Variants in HID1 observed in about 807,000 individuals in gnomAD.
HID1 encodes the protein protein HID1.
Under a neutral mutation model 89.7 loss-of-function variants are expected in HID1, and 42 were observed. The observed-to-expected ratio is 0.47, with a 90% CI of 0.37 to 0.61. HID1 has a LOEUF of 0.61. Ranked by LOEUF, HID1 falls within the 20% of genes least tolerant of loss-of-function variation. The pLI is 0.00. For synonymous variants in HID1, 442 were observed against 433.8 expected (o/e 1.02, Z -0.24); for missense variants, 854 against 1,039.3 (o/e 0.82, Z 2.45).
chr17:74,954,720 C>T, intron 13 of HID1: 1 of 336,448 alleles, frequency 3.0e-6, no homozygotes. Context: ...GACTCTCTTC[C>T]CACCTCCCCT....
intron 1 of HID1, chr17:74,967,807 A>G (rs1426408114): frequency 6.6e-6 from 1 of 152,138 alleles, no homozygotes; most frequent in African/African-American, 2.4e-5. Context: ...GGATCGTACC[A>G]TGGCACTTCA....
In HID1 at chr17:74,952,055, G is replaced by A. The variant is rs772025658; in HGVS notation, c.2153C>T (p.Thr718Met). Residue 718 changes from threonine to methionine, a missense_variant, in exon 18 of 19, where the codon ACG becomes ATG. Coordinates refer to ENST00000425042, the MANE Select transcript of HID1 (RefSeq NM_030630.3). ...VEKICIDKGL[T>M]DESEILRFLQ... is the part of the protein sequence containing the mutation. ...GAACCGCAGGATCTCAGACTCATCC[G>A]TCAGGCCCCTGCGGGGAGAGGGGTA... 3 of 1,556,990 alleles carry A rather than the reference G, an allele frequency of 1.9e-6. No homozygotes were observed. The highest frequency in any genetic ancestry group is 2.6e-6 in the Non-Finnish European group (3 of 1,150,094).
chr17:74,955,023 T>TAA, intron 13 of HID1: 1 of 157,166 alleles, frequency 6.4e-6, no homozygotes, highest in Admixed American at 6.0e-5. Context: ...GGGGGTTATT[T>TAA]TGCCCCATCT....
Position 74,952,271 on chromosome 17 carries a change from G to C in HID1, c.2142C>G (p.Asp714Glu). 1.2e-6 allele frequency: 2 copies of C among 1,612,694 alleles called. No homozygotes were observed. The highest frequency in any genetic ancestry group is 1.7e-6 in the Non-Finnish European group (2 of 1,179,176). ...GGCCCTGCCGGCGCCCGACTCACTT[G>C]TCAATGCAGATCTTCTCCACCTGCG... ...LVPQVEKICI[D>E]KGLTDESEIL... Residue 714 changes from aspartate (D) to glutamate (E), a missense_variant and splice_region_variant, in exon 17 of 19, where the codon GAC becomes GAG. By Grantham distance (45) the Asp-to-Glu change is conservative. Coordinates refer to ENST00000425042, the MANE Select transcript of HID1 (RefSeq NM_030630.3).
chr17:74,961,137 C>T (rs765056685), intron 6 of HID1, among the ~76,000 whole-genome samples: 3 of 152,198 alleles, frequency 2.0e-5, no homozygotes, highest in Non-Finnish European at 4.4e-5. Context: ...CAAATACACA[C>T]TGGATTTTGA....
In HID1 at chr17:74,950,792, T is replaced by C. The variant is rs2039284911; in HGVS notation, c.*778A>G. On this transcript the variant is annotated 3_prime_UTR_variant, in exon 19 of 19. Coordinates refer to ENST00000425042, the MANE Select transcript of HID1 (RefSeq NM_030630.3). ...AGAGGCCGATTGTACAGAGCAAAGA[T>C]TGTTCTGACACGGGGGGCTGGGTGG... is the stretch of plus-strand genomic sequence containing the variant. 6.6e-6 allele frequency: 1 copy of C among 152,326 alleles called. No individual in the cohort carries two copies. Among genetic ancestry groups the C allele is most frequent in the African/African-American group, 2.4e-5 (1 of 41,400 alleles). The allele number at this position is 152,326 out of a possible 1,614,324, so 9.4% of individuals were successfully genotyped here.
At chr17:74,957,920 A>G (rs1251829127) in intron 12 of HID1, 1 of 573,088 alleles carries the variant, frequency 1.7e-6, no homozygotes, top group Non-Finnish European at 3.1e-6. Context: ...ATATCTCATT[A>G]GTAATTTTCA....
chr17:74,954,718 T>G, intron 13 of HID1: 2 of 320,010 alleles, frequency 6.2e-6, no homozygotes, highest in Non-Finnish European at 5.9e-6. Flanking sequence ...CTGACTCTCT[T>G]CCCACCTCCC....
intron 13 of HID1, 70 bp downstream of exon 13, chr17:74,955,722 G>T: frequency 6.8e-7 from 1 of 1,472,188 alleles, no homozygotes. Context: ...CTCCTGGGCT[G>T]TGCCCCCCTT....
rs1362919335 is a variant in HID1 at position 74,959,022 on chromosome 17, G to A, written c.1038C>T (p.Ala346=). Residue 346 remains alanine (A), a synonymous_variant, in exon 9 of 19, where the codon GCC becomes GCT. Transcript: ENST00000425042. This position sits in a 1 kb window ranked among gnomAD's most constrained non-coding sequence, Gnocchi z 4.6. ...GGAGCAGGGGGTTGGACAGCAGCCG[G>A]GCTATACCCTTGAGGATGAACTGGA... is the stretch of plus-strand genomic sequence containing the variant. ...EDFQFILKGI[A]RLLSNPLLQT... 2 of 1,587,160 alleles carry A rather than the reference G, an allele frequency of 1.3e-6. No individual in the cohort carries two copies. Among genetic ancestry groups the A allele is most frequent in the Non-Finnish European group, 1.7e-6 (2 of 1,170,708 alleles).
At chr17:74,967,228 C>A (rs971422224) in intron 1 of HID1, among the ~76,000 whole-genome samples, 1 of 151,032 alleles carries the variant, frequency 6.6e-6, no homozygotes, top group Non-Finnish European at 1.5e-5. Flanking sequence ...CAGAGTGAGA[C>A]TCCATTTCAA....
At chr17:74,965,017 G>A (rs1450899015) in intron 1 of HID1, among the ~76,000 whole-genome samples, 1 of 152,242 alleles carries the variant, frequency 6.6e-6, no homozygotes, top group Non-Finnish European at 1.5e-5. Context: ...TCAAGACCAT[G>A]CCCTCTCTCC....
chr17:74,963,145 T>A (rs1198151592), intron 3 of HID1, 64 bp from the exon 4 acceptor site: 15 of 1,240,312 alleles, frequency 1.2e-5, no homozygotes, highest in Non-Finnish European at 1.7e-5. Context: ...GGCCCAGGGC[T>A]TGGGGGTGGT....
chr17:74,960,451 A>G (rs1220671210), intron 6 of HID1, among the ~76,000 whole-genome samples: 2 of 152,220 alleles, frequency 1.3e-5, no homozygotes, highest in Non-Finnish European at 2.9e-5. Flanking sequence ...TAAGGGGCAG[A>G]TACCCTCCCT....
chr17:74,953,401 C>G (rs1451690760), intron 15 of HID1, 144 bp downstream of exon 15: 1 of 657,736 alleles, frequency 1.5e-6, no homozygotes, highest in Admixed American at 2.7e-5. Context: ...GAGTCAGCAG[C>G]GCTGACCCTA....
chr17:74,957,021 G>A (rs756030956), intron 12 of HID1, among the ~76,000 whole-genome samples: 3 of 152,182 alleles, frequency 2.0e-5, no homozygotes, highest in South Asian at 2.1e-4. Flanking sequence ...GTCCTAACAC[G>A]TGTGCTGCAC....
intron 15 of HID1, 125 bp from the exon 16 acceptor site, chr17:74,953,211 CT>C (rs1290430007): frequency 1.1e-6 from 1 of 880,212 alleles, no homozygotes; most frequent in Non-Finnish European, 1.7e-6. Context: ...GCCCAGCAGC[CT>C]TTGCCCCAGG....
chr17:74,954,431 G>A (rs2144801375), intron 13 of HID1, 66 bp from the exon 14 acceptor site: 5 of 1,544,736 alleles, frequency 3.2e-6, no homozygotes, highest in South Asian at 2.4e-5. Flanking sequence ...CAATCTGGGT[G>A]GGCTTCCTGG....
At position 74,961,984 on chromosome 17, in the gene HID1, T is replaced by C; in HGVS notation, c.617A>G (p.Glu206Gly). The change falls in exon 6 of 19, where the codon GAG (glutamate) becomes GGG (glycine). Residue 206 changes from glutamate to glycine, a missense_variant. Coordinates refer to ENST00000425042, the MANE Select transcript of HID1 (RefSeq NM_030630.3). ...PNYIHDMNRM[E>G]LLKLLLTCFS... ...GCATGTCAGCAGCAGTTTCAGCAGC[T>C]CCATCCTTGTAGGAGGAAGGGGGAG... 1 of 1,576,654 alleles carries C rather than the reference T, an allele frequency of 6.3e-7. No homozygotes were observed. The highest frequency in any genetic ancestry group is 8.6e-7 in the Non-Finnish European group (1 of 1,162,426).
Sources: allele counts gnomAD v4.1 joint callset (sites outside exome capture counted in the v4.1 genomes callset), GRCh38; gene constraint gnomAD v4.1.1; non-coding constraint Gnocchi (gnomAD v3.1); transcripts MANE v1.5; gene names NCBI Gene and HGNC (gene_info 2026-07-23, HGNC 2026-07-21).